Variants in RBFOX1 observed in about 807,000 individuals in gnomAD.
RBFOX1 encodes RNA binding protein fox-1 homolog 1.
A neutral mutation model predicts 57.7 loss-of-function variants in RBFOX1; 8 were observed. The ratio of observed to expected loss-of-function variants is 0.14; its 90% CI spans 0.08 to 0.25. The LOEUF (loss-of-function observed/expected upper bound fraction) is 0.25. Ranked by LOEUF, RBFOX1 falls within the 10% of genes least tolerant of loss-of-function variation. The pLI is 1.00. For missense variants in RBFOX1, 611 were observed against 548.5 expected (o/e 1.11, Z -1.14); for synonymous variants, 326 against 222.4 (o/e 1.47, Z -4.15).
At chr16:7,241,316 C>G (rs1233015268) in intron 4 of RBFOX1, among the ~76,000 whole-genome samples, 1 of 151,902 alleles carries the variant, frequency 6.6e-6, no homozygotes, top group African/African-American at 2.4e-5. Context: ...TGGGTGTGGC[C>G]CAAGCAGGAA....
chr16:6,564,040 A>G (rs879854955), intron 2 of RBFOX1, among the ~76,000 whole-genome samples: 8 of 152,016 alleles, frequency 5.3e-5, no homozygotes, highest in African/African-American at 1.7e-4. Context: ...CCAGCAAGCT[A>G]TTTCTAGCCA....
At chr16:7,358,370 A>G (rs1412906653) in intron 4 of RBFOX1, among the ~76,000 whole-genome samples, 1 of 152,180 alleles carries the variant, frequency 6.6e-6, no homozygotes, top group Admixed American at 6.5e-5. Flanking sequence ...CAGCTCCTGC[A>G]TTTTATTCAA....
In RBFOX1 at chr16:6,737,851, C is replaced by G. The variant is rs551612897; in HGVS notation, c.-16+83201C>G. On this transcript the variant is annotated intron_variant, in intron 3 of 15. Transcript: ENST00000550418. ...TTATTTGGGACATTGCAGACTTTTC[C>G]TAAACAAAATGTACTATAATATTTT... Among the ~76,000 whole-genome samples, 12 of 152,126 alleles carry G rather than the reference C, an allele frequency of 7.9e-5. No individual in the cohort carries two copies. The South Asian group carries it at 1.9e-3, about 24-fold the overall frequency.
intron 3 of RBFOX1, among the ~76,000 whole-genome samples, chr16:6,688,290 A>C (rs1368425534): frequency 1.3e-5 from 2 of 152,138 alleles, no homozygotes; most frequent in African/African-American, 4.8e-5. Context: ...ATGAGAACTC[A>C]GTATCATGAG....
intron 4 of RBFOX1, among the ~76,000 whole-genome samples, chr16:7,081,101 G>A (rs1165277901): frequency 1.3e-5 from 2 of 152,118 alleles, no homozygotes; most frequent in Non-Finnish European, 2.9e-5. Context: ...GTGGCACGAT[G>A]TTGGCTCACT....
chr16:7,534,993 C>T (rs1188796943), intron 5 of RBFOX1, among the ~76,000 whole-genome samples: 3 of 152,180 alleles, frequency 2.0e-5, no homozygotes, highest in African/African-American at 4.8e-5. Flanking sequence ...GTAATTACAG[C>T]TCTGTTAACT....
At chr16:7,070,657 C>G (rs997191747) in intron 4 of RBFOX1, among the ~76,000 whole-genome samples, 2 of 152,188 alleles carry the variant, frequency 1.3e-5, no homozygotes, top group Admixed American at 6.5e-5. Flanking sequence ...GCAGAGCCAT[C>G]TCCCTTGGCA....
intron 3 of RBFOX1, among the ~76,000 whole-genome samples, chr16:7,036,620 A>C (rs368690403): frequency 6.6e-6 from 1 of 152,022 alleles, no homozygotes; most frequent in East Asian, 1.9e-4. Context: ...TTGAAACCGT[A>C]AGGCGGAGGT....
chr16:7,131,547 A>G (rs1354121544), intron 4 of RBFOX1, among the ~76,000 whole-genome samples: 1 of 151,698 alleles, frequency 6.6e-6, no homozygotes, highest in African/African-American at 2.4e-5. Context: ...CTAGCTGGCA[A>G]GTGATTGGAA....
intron 1 of RBFOX1, among the ~76,000 whole-genome samples, chr16:6,150,726 G>A (rs1464048492): frequency 6.6e-6 from 1 of 152,160 alleles, no homozygotes; most frequent in Non-Finnish European, 1.5e-5. Context: ...CCGCATGAGA[G>A]CTGGGGAATG....
intron 4 of RBFOX1, among the ~76,000 whole-genome samples, chr16:5,871,676 G>A (rs1425859731): frequency 6.6e-6 from 1 of 152,010 alleles, no homozygotes. Flanking sequence ...CCAGCCCCAC[G>A]TTGTCTATGC....
At chr16:5,905,843 C>A (rs1352530540) in intron 4 of RBFOX1, among the ~76,000 whole-genome samples, 1 of 152,208 alleles carries the variant, frequency 6.6e-6, no homozygotes, top group Non-Finnish European at 1.5e-5. Flanking sequence ...AAGTGATACA[C>A]TCCCCAAATG....
Position 6,844,936 on chromosome 16 carries a change from T to G in RBFOX1, c.-16+190286T>G, listed in dbSNP as rs571913340. ...TGATTTGAATTTCTCTAATGATCAG[T>G]GATACTAAGCTTTTTTCCTATGTTT... On this transcript the variant is annotated intron_variant, in intron 3 of 15. Transcript: ENST00000550418. Among the ~76,000 whole-genome samples the G allele has an allele frequency of 2.0e-5, 3 of 152,344 alleles. No individual in the cohort carries two copies. The South Asian group carries it at 6.2e-4, about 32-fold the overall frequency.
chr16:7,165,482 T>A (rs560227316), intron 4 of RBFOX1, among the ~76,000 whole-genome samples: 14 of 151,560 alleles, frequency 9.2e-5, no homozygotes, highest in African/African-American at 3.4e-4. Flanking sequence ...CAGGCTGGAG[T>A]GCAATGGCAT....
intron 1 of RBFOX1, among the ~76,000 whole-genome samples, chr16:5,357,248 CTTGGCCATAGCTGA>C (rs2065416727): frequency 1.3e-5 from 2 of 152,180 alleles, no homozygotes; most frequent in Non-Finnish European, 2.9e-5. Flanking sequence ...GGGCATTCTC[CTTGGCCATAGCTGA>C]TTGGCTTATG....
chr16:7,460,972 T>C (rs2059478322), intron 4 of RBFOX1, among the ~76,000 whole-genome samples: 2 of 152,138 alleles, frequency 1.3e-5, no homozygotes, highest in South Asian at 4.2e-4. Flanking sequence ...ATTGATCTCC[T>C]TGACATTGTG....
At chr16:5,710,579 A>T (rs1412753309) in intron 3 of RBFOX1, among the ~76,000 whole-genome samples, 1 of 152,208 alleles carries the variant, frequency 6.6e-6, no homozygotes, top group African/African-American at 2.4e-5. Context: ...TTCTTCTCTG[A>T]TTAAGGCTCA....
At chr16:5,343,941 C>T (rs548184222) in intron 1 of RBFOX1, among the ~76,000 whole-genome samples, 36 of 152,242 alleles carry the variant, frequency 2.4e-4, no homozygotes, top group African/African-American at 5.5e-4. Flanking sequence ...TCTTTCAGGA[C>T]GTGGTAAGAA....
Position 6,818,807 on chromosome 16 carries a change from C to T in RBFOX1, c.-16+164157C>T, listed in dbSNP as rs530658814. Among the ~76,000 whole-genome samples the T allele has an allele frequency of 4.6e-5, 7 of 152,300 alleles. No individual in the cohort carries two copies. The East Asian group carries it at 5.8e-4, about 13-fold the overall frequency. On this transcript the variant is annotated intron_variant, in intron 3 of 15. Transcript: ENST00000550418. Reference sequence around the variant, plus strand: ...ACTGATGCCATTTCATCCTCCTGGCCTCCCTGACTGGTCCGTGCCTGGGCA... The same window carrying T: ...ACTGATGCCATTTCATCCTCCTGGCTTCCCTGACTGGTCCGTGCCTGGGCA...
Sources: allele counts gnomAD v4.1 joint callset (sites outside exome capture counted in the v4.1 genomes callset), GRCh38; gene constraint gnomAD v4.1.1; transcripts MANE v1.5; gene names NCBI Gene and HGNC (gene_info 2026-07-23, HGNC 2026-07-21).